RASEF: variants seen among roughly 807,000 people sequenced by gnomAD.
The protein encoded by RASEF is ras and EF-hand domain-containing protein.
A neutral mutation model predicts 90.1 loss-of-function variants in RASEF; 68 were observed. The ratio of observed to expected loss-of-function variants is 0.75; its 90% CI spans 0.62 to 0.92. RASEF has a LOEUF of 0.92. Ranked by LOEUF, RASEF falls within the 40% of genes least tolerant of loss-of-function variation. The pLI, the probability that RASEF is intolerant of heterozygous loss-of-function variation, is 0.00. For missense variants in RASEF, 949 were observed against 937.2 expected (o/e 1.01, Z -0.16); for synonymous variants, 331 against 345.2 (o/e 0.96, Z 0.46).
the RASEF span, among the ~76,000 whole-genome samples, chr9:83,069,147 A>G: frequency 6.6e-6 from 1 of 152,232 alleles, no homozygotes; most frequent in Admixed American, 6.5e-5. Context: ...ACTGTTACTG[A>G]GAATGAAATT....
chr9:83,068,726 G>C, the RASEF span, among the ~76,000 whole-genome samples: 1 of 152,182 alleles, frequency 6.6e-6, no homozygotes, highest in Non-Finnish European at 1.5e-5. Context: ...TAAATGAGTG[G>C]TGTTTCAAGT....
At chr9:83,127,402 G>C in the RASEF span, among the ~76,000 whole-genome samples, 105 of 151,972 alleles carry the variant, frequency 6.9e-4, no homozygotes, top group Non-Finnish European at 1.2e-3. Context: ...TTTTATTTAG[G>C]GTCCCCAGGA....
the RASEF span, among the ~76,000 whole-genome samples, chr9:83,181,664 G>C: frequency 6.6e-6 from 1 of 152,082 alleles, no homozygotes; most frequent in East Asian, 1.9e-4. Flanking sequence ...AAAAAGAGCA[G>C]GCATTTCTAT....
chr9:83,066,521 A>G (rs1227789942), upstream of RASEF, among the ~76,000 whole-genome samples: 1 of 152,256 alleles, frequency 6.6e-6, no homozygotes, highest in Non-Finnish European at 1.5e-5. Flanking sequence ...TTTTTATTTT[A>G]GCATCCAGAA....
intron 14 of RASEF, among the ~76,000 whole-genome samples, chr9:82,994,419 C>G (rs1828872800): frequency 6.6e-6 from 1 of 152,200 alleles, no homozygotes; most frequent in African/African-American, 2.4e-5. Flanking sequence ...AGTGAGGCTA[C>G]CTTGAAGAAA....
chr9:82,999,893 C>T (rs889984448), intron 12 of RASEF, among the ~76,000 whole-genome samples: 5 of 152,048 alleles, frequency 3.3e-5, no homozygotes, highest in Admixed American at 6.6e-5. Context: ...CATGAACCAC[C>T]GCACCCAGCC....
rs143274458 is a variant in RASEF at position 82,983,813 on chromosome 9, C to G, written c.2118-1031G>C. Among the ~76,000 whole-genome samples, 5 of 152,308 alleles carry G rather than the reference C, an allele frequency of 3.3e-5. No individual in the cohort carries two copies. In the East Asian group the frequency reaches 9.7e-4, roughly 29 times the overall value. The stretch of plus-strand genomic sequence containing the variant: ...GGGTTCCTCAATGGAGAGAGGCCAC[C>G]AGAGTGGCCCTGGGGACTGAGATGC... On this transcript the variant is annotated intron_variant, in intron 16 of 16. Coordinates refer to ENST00000376447, the MANE Select transcript of RASEF (RefSeq NM_152573.4).
At chr9:83,194,006 G>A in the RASEF span, among the ~76,000 whole-genome samples, 1 of 152,070 alleles carries the variant, frequency 6.6e-6, no homozygotes, top group Non-Finnish European at 1.5e-5. Context: ...GAATAATTTG[G>A]ATGTACAGGA....
the RASEF span, among the ~76,000 whole-genome samples, chr9:83,160,650 A>G: frequency 6.6e-6 from 1 of 152,246 alleles, no homozygotes; most frequent in Non-Finnish European, 1.5e-5. Flanking sequence ...AGAAATTTGC[A>G]AAAGTAATGA....
chr9:83,057,030 C>T (rs1305078705), intron 1 of RASEF, among the ~76,000 whole-genome samples: 1 of 152,138 alleles, frequency 6.6e-6, no homozygotes, highest in Admixed American at 6.6e-5. Context: ...GAAGTGGCCA[C>T]CACCCAGCAA....
chr9:82,980,187 G>A lies in RASEF; in HGVS notation c.*2490C>T, dbSNP rs1828573152. The A allele has an allele frequency of 6.6e-6, 1 of 151,720 alleles. No individual in the cohort carries two copies. The highest frequency in any genetic ancestry group is 1.5e-5 in the Non-Finnish European group (1 of 67,974). The allele number at this position is 151,720 out of a possible 1,614,324, so 9.4% of individuals were successfully genotyped here. A position where few individuals can be genotyped will look rare whatever the true frequency, so the allele number is the denominator to read the frequency against. On this transcript the variant is annotated 3_prime_UTR_variant, in exon 17 of 17. Coordinates refer to ENST00000376447, the MANE Select transcript of RASEF (RefSeq NM_152573.4). ...ATATCTTAAAGAAAAACAGGGACAAGGTGAATAACTTCCATAGTAATATGC... is the reference window on the plus strand; with the variant it reads ...ATATCTTAAAGAAAAACAGGGACAAAGTGAATAACTTCCATAGTAATATGC...
At chr9:83,217,748 G>C in the RASEF span, among the ~76,000 whole-genome samples, 5 of 152,188 alleles carry the variant, frequency 3.3e-5, no homozygotes, top group African/African-American at 1.2e-4. Context: ...TCAGCAATGT[G>C]AGAACAGACT....
the RASEF span, among the ~76,000 whole-genome samples, chr9:83,192,451 A>C: frequency 5.9e-5 from 9 of 152,238 alleles, no homozygotes; most frequent in African/African-American, 2.2e-4. Flanking sequence ...AAATTAACGC[A>C]GTAACAGAAA....
intron 6 of RASEF, 107 bp from the exon 7 acceptor site, chr9:83,007,612 T>C (rs1829158271): frequency 2.5e-6 from 2 of 805,636 alleles, no homozygotes; most frequent in South Asian, 2.9e-5. Flanking sequence ...ACGAGTGTCC[T>C]TGGCCACAGT....
chr9:83,104,874 A>G, the RASEF span, among the ~76,000 whole-genome samples: 1 of 152,214 alleles, frequency 6.6e-6, no homozygotes, highest in African/African-American at 2.4e-5. Context: ...TACGGGTCAC[A>G]TTATTTAGCA....
chr9:83,073,086 A>G, the RASEF span, among the ~76,000 whole-genome samples: 4 of 152,284 alleles, frequency 2.6e-5, no homozygotes, highest in Admixed American at 2.6e-4. Context: ...TCACGCATGT[A>G]GCAGATGCTG....
At chr9:83,102,226 G>A in the RASEF span, among the ~76,000 whole-genome samples, 3 of 152,162 alleles carry the variant, frequency 2.0e-5, no homozygotes, top group South Asian at 2.1e-4. Context: ...ATAGGCGCCC[G>A]CCACCACGCC....
chr9:83,034,161 A>G (rs1240723684), intron 1 of RASEF, among the ~76,000 whole-genome samples: 2 of 152,218 alleles, frequency 1.3e-5, no homozygotes, highest in African/African-American at 4.8e-5. Context: ...TCTTCCCACT[A>G]ATAGAGTTGC....
the RASEF span, among the ~76,000 whole-genome samples, chr9:83,171,784 G>T: frequency 2.0e-5 from 3 of 151,548 alleles, no homozygotes; most frequent in Admixed American, 1.3e-4. Context: ...GTTGTCTCTG[G>T]TTTTATTTAA....
Sources: gnomAD v4.1 joint callset for allele counts (sites outside exome capture counted in the v4.1 genomes callset) on GRCh38, gnomAD v4.1.1 for gene constraint, MANE v1.5 for transcripts, NCBI Gene and HGNC (gene_info 2026-07-23, HGNC 2026-07-21) for gene names.